B3GLCT: variants seen among roughly 807,000 people sequenced by gnomAD.
B3GLCT encodes beta-1,3-glucosyltransferase.
B3GLCT carries 65 observed loss-of-function variants against 63.4 expected under a neutral mutation model. That is an observed-to-expected ratio of 1.03 (90% CI 0.84 to 1.26). The LOEUF (loss-of-function observed/expected upper bound fraction) is 1.26, where lower values mean the gene tolerates loss of function less well. Ranked by LOEUF, B3GLCT falls within the 50% of genes most tolerant of loss-of-function variation. The pLI, the probability that B3GLCT is intolerant of heterozygous loss-of-function variation, is 0.00. For synonymous variants in B3GLCT, 233 were observed against 219.2 expected, an observed-to-expected ratio of 1.06 and a Z score of -0.55; for missense variants, 577 against 604.8, an observed-to-expected ratio of 0.95 and a Z score of 0.48.
At chr13:31,201,140 G>A (rs896651589) in intron 1 of B3GLCT, among the ~76,000 whole-genome samples, 9 of 151,894 alleles carry the variant, frequency 5.9e-5, no homozygotes, top group Admixed American at 4.6e-4. Context: ...CAGACTTGCT[G>A]GTGTGAAAAG....
chr13:31,309,037 A>G (rs74043317), intron 12 of B3GLCT, among the ~76,000 whole-genome samples: 3 of 152,148 alleles, frequency 2.0e-5, no homozygotes, highest in African/African-American at 4.8e-5. Context: ...CGGTGAACCA[A>G]TTCTCCATCT....
intron 1 of B3GLCT, among the ~76,000 whole-genome samples, chr13:31,213,370 G>T (rs976578086): frequency 6.6e-6 from 1 of 152,126 alleles, no homozygotes; most frequent in Non-Finnish European, 1.5e-5. Context: ...TGGGCGGCTT[G>T]CCTGAGCCCA....
At chr13:31,220,971 A>G (rs1869780225) in intron 2 of B3GLCT, among the ~76,000 whole-genome samples, 1 of 152,152 alleles carries the variant, frequency 6.6e-6, no homozygotes, top group Non-Finnish European at 1.5e-5. Context: ...AAATCTATTC[A>G]CATCTAATGA....
Position 31,282,791 on chromosome 13 carries a change from CA to C in B3GLCT, c.851-1854del, listed in dbSNP as rs531055790. Among the ~76,000 whole-genome samples the C allele has an allele frequency of 3.2e-3, 483 of 152,156 alleles. 3 individuals are homozygous for C. Among genetic ancestry groups the C allele is most frequent in the Middle Eastern group, 3.4e-3 (1 of 294 alleles). ...GTTGGCTTGTTTTAAAATGATTAATCAAAGGCTGAATTGCCTTTATGAATAA... is the reference window on the plus strand; with the variant it reads ...GTTGGCTTGTTTTAAAATGATTAATCAAGGCTGAATTGCCTTTATGAATAA... On this transcript the variant is annotated intron_variant, in intron 10 of 14. Transcript: ENST00000343307.
At chr13:31,267,758 G>A (rs760862363) in intron 7 of B3GLCT, among the ~76,000 whole-genome samples, 1 of 152,046 alleles carries the variant, frequency 6.6e-6, no homozygotes, top group Non-Finnish European at 1.5e-5. Context: ...GAAATCTTTC[G>A]TGGCCCAACC....
intron 12 of B3GLCT, among the ~76,000 whole-genome samples, chr13:31,290,465 T>G (rs1316923782): frequency 6.6e-6 from 1 of 152,236 alleles, no homozygotes; most frequent in African/African-American, 2.4e-5. Flanking sequence ...GTTGAACTAA[T>G]TTACACTCCC....
At chr13:31,238,836 T>A (rs1157393140) in intron 4 of B3GLCT, among the ~76,000 whole-genome samples, 1 of 152,192 alleles carries the variant, frequency 6.6e-6, no homozygotes, top group Non-Finnish European at 1.5e-5. Context: ...TATTAGTCAT[T>A]TTTGAATGCA....
At chr13:31,271,698 C>A (rs1872579728) in intron 8 of B3GLCT, among the ~76,000 whole-genome samples, 1 of 152,112 alleles carries the variant, frequency 6.6e-6, no homozygotes, top group Admixed American at 6.6e-5. Flanking sequence ...ATTAATGATG[C>A]TTTTCAGATA....
In B3GLCT at chr13:31,274,581, G is replaced by A. The variant is rs34830061; in HGVS notation, c.733G>A (p.Val245Met). 6.8e-3 allele frequency: 10,954 copies of A among 1,614,160 alleles called. 71 individuals carry two copies. Among genetic ancestry groups the A allele is most frequent in the Middle Eastern group, 0.012 (71 of 6,062 alleles). Reference sequence around the variant, plus strand: ...AGTGCCTGAGTTTTGTACCAATGACGTGGACTTCTACTGTGCTACCACATT... The same window carrying A: ...AGTGCCTGAGTTTTGTACCAATGACATGGACTTCTACTGTGCTACCACATT... Reference protein sequence around the residue: ...TPVPEFCTNDVDFYCATTFHS... With the variant: ...TPVPEFCTNDMDFYCATTFHS... The change falls in exon 9 of 15, where the codon GTG becomes ATG. Residue 245 changes from valine to methionine, a missense_variant. Val to Met is a conservative substitution (Grantham distance 21). Coordinates refer to ENST00000343307, the MANE Select transcript of B3GLCT (RefSeq NM_194318.4).
intron 12 of B3GLCT, among the ~76,000 whole-genome samples, chr13:31,298,086 G>C (rs1874046945): frequency 6.6e-6 from 1 of 152,128 alleles, no homozygotes; most frequent in Non-Finnish European, 1.5e-5. Flanking sequence ...AGGAGATTGG[G>C]GGGTGGGACT....
chr13:31,311,903 T>A (rs976978087), intron 12 of B3GLCT, among the ~76,000 whole-genome samples: 2 of 152,134 alleles, frequency 1.3e-5, no homozygotes, highest in Non-Finnish European at 2.9e-5. Context: ...AATATATAAT[T>A]TTATAGATTA....
chr13:31,323,828 A>T lies in B3GLCT; in HGVS notation c.1262A>T (p.Asp421Val). The change falls in exon 14 of 15, where the codon GAT becomes GTT. Residue 421 changes from aspartate to valine, a missense_variant. Coordinates refer to ENST00000343307, the MANE Select transcript of B3GLCT (RefSeq NM_194318.4). ...TGCTACAGCAATGATGCTCCCGATG[A>T]TATGGTCCTGGGAATGTGCTTTAGT... is the stretch of plus-strand genomic sequence containing the variant. ...CRCYSNDAPD[D>V]MVLGMCFSGL... 1.9e-6 allele frequency: 3 copies of T among 1,614,126 alleles called. No homozygotes were observed. Among genetic ancestry groups the T allele is most frequent in the Non-Finnish European group, 2.5e-6 (3 of 1,179,984 alleles).
chr13:31,313,942 T>G (rs1874858903), intron 12 of B3GLCT, among the ~76,000 whole-genome samples: 1 of 152,298 alleles, frequency 6.6e-6, no homozygotes, highest in Non-Finnish European at 1.5e-5. Context: ...TCCCAGCCAC[T>G]CCAGCCGTGT....
intron 14 of B3GLCT, among the ~76,000 whole-genome samples, chr13:31,325,321 AAGCGT>A (rs1461916215): frequency 6.6e-6 from 1 of 152,180 alleles, no homozygotes; most frequent in Non-Finnish European, 1.5e-5. Context: ...TTAGGAAAGA[AAGCGT>A]TATTCTCTGC....
At chr13:31,217,492 G>A (rs1869617215) in intron 2 of B3GLCT, among the ~76,000 whole-genome samples, 1 of 152,114 alleles carries the variant, frequency 6.6e-6, no homozygotes, top group African/African-American at 2.4e-5. Flanking sequence ...AGTTGCTTTT[G>A]TAGTCTTCAT....
chr13:31,326,930 G>A (rs974449803), intron 14 of B3GLCT, among the ~76,000 whole-genome samples: 1 of 152,148 alleles, frequency 6.6e-6, no homozygotes, highest in Non-Finnish European at 1.5e-5. Context: ...CATTAATAGA[G>A]TGGAAAATGT....
At chr13:31,263,813 C>T (rs1251241082) in intron 7 of B3GLCT, among the ~76,000 whole-genome samples, 1 of 152,192 alleles carries the variant, frequency 6.6e-6, no homozygotes, top group African/African-American at 2.4e-5. Flanking sequence ...AGCGGTTTCA[C>T]ATCTCCCTTT....
At chr13:31,238,264 A>ATC (rs1870752955) in intron 4 of B3GLCT, among the ~76,000 whole-genome samples, 1 of 152,248 alleles carries the variant, frequency 6.6e-6, no homozygotes. Context: ...TACAGCATGA[A>ATC]TCTAAAAAGA....
At chr13:31,321,080 C>G (rs1006635892) in intron 13 of B3GLCT, among the ~76,000 whole-genome samples, 1 of 152,238 alleles carries the variant, frequency 6.6e-6, no homozygotes, top group Non-Finnish European at 1.5e-5. Flanking sequence ...TGTTTCATTT[C>G]TCGTTATTTC....
Sources: allele counts gnomAD v4.1 joint callset (sites outside exome capture counted in the v4.1 genomes callset), GRCh38; gene constraint gnomAD v4.1.1; transcripts MANE v1.5; gene names NCBI Gene and HGNC (gene_info 2026-07-23, HGNC 2026-07-21).